PIK3C2A: variants seen among roughly 807,000 people sequenced by gnomAD.
PIK3C2A encodes the protein phosphatidylinositol 4-phosphate 3-kinase C2 domain-containing subunit alpha.
In PIK3C2A, 97 loss-of-function variants were observed where a neutral mutation model predicts 204.5. The ratio of observed to expected loss-of-function variants is 0.47; its 90% CI spans 0.40 to 0.56. The LOEUF (loss-of-function observed/expected upper bound fraction) is 0.56, where lower values mean the gene tolerates loss of function less well. Among genes scored for constraint, PIK3C2A ranks in the 20% least tolerant of loss-of-function variants. The pLI is 0.00. For synonymous variants in PIK3C2A, 653 were observed against 664.4 expected, an observed-to-expected ratio of 0.98 and a Z score of 0.26; for missense variants, 1,735 against 1,969.2, an observed-to-expected ratio of 0.88 and a Z score of 2.25.
chr11:17,105,465 G>C (rs146078554), intron 22 of PIK3C2A, among the ~76,000 whole-genome samples, 160 bp from the exon 23 acceptor site: 164 of 152,308 alleles, frequency 1.1e-3, no homozygotes, highest in African/African-American at 3.7e-3. Context: ...TGCCATGGTG[G>C]TTTGCTACAC....
Position 17,091,579 on chromosome 11 carries a change from G to C in PIK3C2A, c.4720C>G (p.Leu1574Val), listed in dbSNP as rs1479930741. The C allele has an allele frequency of 1.2e-6, 2 of 1,613,216 alleles. No homozygotes were observed. Among genetic ancestry groups the C allele is most frequent in the East Asian group, 2.2e-5 (1 of 44,866 alleles). Residue 1574 changes from leucine to valine, a missense_variant, in exon 31 of 33, where the codon CTT becomes GTT. By Grantham distance (32) the Leu-to-Val change is conservative (BLOSUM62 1). Coordinates refer to ENST00000691414, the MANE Select transcript of PIK3C2A (RefSeq NM_002645.4). The stretch of plus-strand genomic sequence containing the variant: ...TTGATATGCATCACCATGATGAAAA[G>C]AGTACCATTTCGGTAAGAGATGGAT... ...KLSISYRNGTLFIMVMHIKDL... is the reference protein window; with the variant it reads ...KLSISYRNGTVFIMVMHIKDL...
At chr11:17,145,232 C>T (rs777704672) in intron 8 of PIK3C2A, among the ~76,000 whole-genome samples, 1 of 152,124 alleles carries the variant, frequency 6.6e-6, no homozygotes, top group Admixed American at 6.5e-5. Flanking sequence ...TTAGGAGGGG[C>T]CAGGGGCACA....
intron 8 of PIK3C2A, among the ~76,000 whole-genome samples, chr11:17,139,195 G>A (rs1037525174): frequency 2.7e-5 from 4 of 150,642 alleles, no homozygotes; most frequent in Admixed American, 2.0e-4. Context: ...TTACAGGCAT[G>A]AGCCACCACG....
At chr11:17,140,024 T>C (rs1565268865) in intron 8 of PIK3C2A, among the ~76,000 whole-genome samples, 2 of 152,192 alleles carry the variant, frequency 1.3e-5, no homozygotes, top group Non-Finnish European at 2.9e-5. Context: ...CCATTATTCC[T>C]TGCCTCAAAA....
Position 17,126,659 on chromosome 11 carries a change from T to A in PIK3C2A, c.2399+2641A>T, listed in dbSNP as rs542044776. 9.8e-5 allele frequency among the ~76,000 whole-genome samples: 15 copies of A among 152,294 alleles called. No individual in the cohort carries two copies. The East Asian group carries it at 2.3e-3, about 23-fold the overall frequency. On this transcript the variant is annotated intron_variant, in intron 13 of 32. Transcript: ENST00000691414. ...AATCATCTCTCTTAATCATCTTCCCTCTTAATTTCTGAGTATTCCTTGAAC... is the reference window on the plus strand; with the variant it reads ...AATCATCTCTCTTAATCATCTTCCCACTTAATTTCTGAGTATTCCTTGAAC...
intron 13 of PIK3C2A, among the ~76,000 whole-genome samples, chr11:17,127,262 G>C (rs527774225): frequency 1.1e-3 from 162 of 152,122 alleles, no homozygotes; most frequent in African/African-American, 3.7e-3. Context: ...TCCTCAAATA[G>C]GGGGGAAGCG....
chr11:17,124,090 G>A (rs1183106984), intron 13 of PIK3C2A, among the ~76,000 whole-genome samples: 1 of 151,890 alleles, frequency 6.6e-6, no homozygotes, highest in Non-Finnish European at 1.5e-5. Context: ...GTTGGAATGC[G>A]CGGTGTGATC....
At chr11:17,162,808 T>C (rs1013570055) in intron 2 of PIK3C2A, among the ~76,000 whole-genome samples, 1 of 152,214 alleles carries the variant, frequency 6.6e-6, no homozygotes, top group Admixed American at 6.5e-5. Context: ...ATGTTAAATA[T>C]GTCTAAAGTT....
In PIK3C2A at chr11:17,200,942, A is replaced by G. The variant is rs72632989; in HGVS notation, c.-66+6906T>C. Among the ~76,000 whole-genome samples, 4,021 of 152,312 alleles carry G rather than the reference A, an allele frequency of 0.026. 538 individuals carry two copies. The East Asian group carries it at 0.42, about 16-fold the overall frequency. ...CGATTCAAGCCGGGCACGGTGGCTC[A>G]TGCCTGTAATCCCAGCACTTTAGGA... On this transcript the variant is annotated intron_variant, in intron 1 of 32. Coordinates refer to ENST00000691414, the MANE Select transcript of PIK3C2A (RefSeq NM_002645.4).
intron 1 of PIK3C2A, among the ~76,000 whole-genome samples, chr11:17,178,131 T>C (rs1851403669): frequency 6.8e-6 from 1 of 147,808 alleles, no homozygotes; most frequent in Non-Finnish European, 1.5e-5. Flanking sequence ...AAATTGCATG[T>C]CACATATAAT....
intron 27 of PIK3C2A, among the ~76,000 whole-genome samples, chr11:17,096,290 G>A (rs547694825): frequency 1.2e-3 from 185 of 152,112 alleles, no homozygotes; most frequent in African/African-American, 3.7e-3. Flanking sequence ...CACCTGCCTC[G>A]GGCTCCCAAA....
intron 8 of PIK3C2A, chr11:17,138,349 T>C: frequency 2.2e-6 from 1 of 451,008 alleles, no homozygotes. Context: ...TTTAATTCAG[T>C]GTGAGAGCTG....
chr11:17,201,960 GA>G (rs1852402913), intron 1 of PIK3C2A, among the ~76,000 whole-genome samples: 1 of 152,082 alleles, frequency 6.6e-6, no homozygotes, highest in African/African-American at 2.4e-5. Flanking sequence ...GAGATTCAAT[GA>G]AAAGAATACT....
intron 2 of PIK3C2A, among the ~76,000 whole-genome samples, chr11:17,168,456 C>G (rs1851043400): frequency 1.3e-5 from 2 of 151,980 alleles, no homozygotes; most frequent in Non-Finnish European, 2.9e-5. Flanking sequence ...TGGCGGGTGC[C>G]TGTAGTCCCA....
Position 17,147,543 on chromosome 11 carries a change from C to T in PIK3C2A, c.1534G>A (p.Ala512Thr). 2 of 1,607,990 alleles carry T rather than the reference C, an allele frequency of 1.2e-6. No homozygotes were observed. The highest frequency in any genetic ancestry group is 2.2e-5 in the East Asian group (1 of 44,826). Reference sequence around the variant, plus strand: ...GTTCGGGCCAGATTTTGACACATTGCACTGAAGGTCAAGAGTTGTAGTCTA... The same window carrying T: ...GTTCGGGCCAGATTTTGACACATTGTACTGAAGGTCAAGAGTTGTAGTCTA... ...EIRLQLLTFS[A>T]MCQNLARTAE... Residue 512 changes from alanine to threonine, a missense_variant, in exon 6 of 33, where the codon GCA (alanine) becomes ACA (threonine). Around this residue, in one of 6 missense-constraint regions of PIK3C2A, gnomAD observed 106 missense variants for 108.2 expected, o/e 0.98. Transcript: ENST00000691414.
rs192314696 is a variant in PIK3C2A, at chr11:17,124,484, C to T, written c.2400-1671G>A. ...TTTTTTTTTTTTTTTGAGACGGAGT[C>T]TTGTTCTGTCGCCCAGGCTGAAGTG... On this transcript the variant is annotated intron_variant, in intron 13 of 32. Coordinates refer to ENST00000691414, the MANE Select transcript of PIK3C2A (RefSeq NM_002645.4). Among the ~76,000 whole-genome samples the T allele has an allele frequency of 4.1e-3, 597 of 146,512 alleles. 4 individuals are homozygous for T. Among genetic ancestry groups the T allele is most frequent in the African/African-American group, 0.015 (578 of 39,352 alleles).
rs764424453 is a variant in PIK3C2A, at chr11:17,102,844, T to TA, written c.3682-14dup. ...AGTTCTCTGAAGCCTATAAAAAACA[T>TA]ACACAATTATTTTAGAAAATGAATT... On this transcript the variant is annotated splice_polypyrimidine_tract_variant and intron_variant, in intron 23 of 32. Coordinates refer to ENST00000691414, the MANE Select transcript of PIK3C2A (RefSeq NM_002645.4). 1.3e-6 allele frequency: 2 copies of TA among 1,515,168 alleles called. No individual in the cohort carries two copies. The highest frequency in any genetic ancestry group is 1.8e-6 in the Non-Finnish European group (2 of 1,111,432). The allele number at this position is 1,515,168 out of a possible 1,614,324, so 93.9% of individuals were successfully genotyped here. A position where few individuals can be genotyped will look rare whatever the true frequency, so the allele number is the denominator to read the frequency against.
intron 1 of PIK3C2A, among the ~76,000 whole-genome samples, chr11:17,178,207 T>A (rs1175326339): frequency 1.3e-5 from 2 of 152,174 alleles, no homozygotes; most frequent in African/African-American, 4.8e-5. Context: ...TATTGTCATT[T>A]TAACAGGTAA....
intron 1 of PIK3C2A, among the ~76,000 whole-genome samples, chr11:17,196,070 AAAG>A (rs1345201745): frequency 2.0e-5 from 3 of 152,098 alleles, no homozygotes; most frequent in Admixed American, 6.6e-5. Context: ...AGAAAAAAGA[AAAG>A]AAACATACTA....
Sources: allele counts gnomAD v4.1 joint callset (sites outside exome capture counted in the v4.1 genomes callset), GRCh38; gene constraint gnomAD v4.1.1; regional missense constraint gnomAD v4.1.1; transcripts MANE v1.5; gene names NCBI Gene and HGNC (gene_info 2026-07-23, HGNC 2026-07-21).